The following MGAT5 variants were observed in gnomAD, a reference collection of about 807,000 sequenced individuals.
MGAT5 encodes alpha-1,6-mannosylglycoprotein 6-beta-N-acetylglucosaminyltransferase, also known as alpha-1,6-mannosylglycoprotein 6-beta-N-acetylglucosaminyltransferase A.
MGAT5 carries 30 observed loss-of-function variants against 94.3 expected under a neutral mutation model. That is an observed-to-expected ratio of 0.32 (90% CI 0.24 to 0.43). The LOEUF is 0.43. MGAT5 is among the 20% of genes least tolerant of loss of function. The pLI is 1.00. For missense variants in MGAT5, 691 were observed against 905.5 expected, an observed-to-expected ratio of 0.76 and a Z score of 3.04; for synonymous variants, 310 against 322.9, an observed-to-expected ratio of 0.96 and a Z score of 0.43.
At chr2:134,173,513 G>A (rs930674383) in intron 1 of MGAT5, among the ~76,000 whole-genome samples, 2 of 152,210 alleles carry the variant, frequency 1.3e-5, no homozygotes, top group Non-Finnish European at 2.9e-5. Flanking sequence ...TCTCAGCTCT[G>A]CACCATGTGG....
At chr2:134,187,080 T>G (rs1344017148) in intron 1 of MGAT5, among the ~76,000 whole-genome samples, 1 of 152,030 alleles carries the variant, frequency 6.6e-6, no homozygotes, top group Admixed American at 6.5e-5. Context: ...TTGACCTAGC[T>G]TGAGGGCCGT....
At chr2:134,408,354 T>G (rs192744534) in intron 11 of MGAT5, among the ~76,000 whole-genome samples, 5 of 152,346 alleles carry the variant, frequency 3.3e-5, no homozygotes, top group African/African-American at 9.6e-5. Flanking sequence ...ATGTGAATTG[T>G]AATGCATTTG....
At chr2:134,140,469 A>G (rs73005572) in intron 1 of MGAT5, among the ~76,000 whole-genome samples, 1 of 152,300 alleles carries the variant, frequency 6.6e-6, no homozygotes, top group African/African-American at 2.4e-5. Context: ...AAAGTGGGCG[A>G]GTTGGGTCAG....
upstream of MGAT5, among the ~76,000 whole-genome samples, chr2:134,251,540 A>G (rs1034338478): frequency 6.6e-6 from 1 of 152,316 alleles, no homozygotes; most frequent in South Asian, 2.1e-4. Flanking sequence ...AAAGGATGTC[A>G]TAGAGTCCCA....
intron 8 of MGAT5, 117 bp downstream of exon 8, chr2:134,345,181 G>T: frequency 2.9e-6 from 3 of 1,028,480 alleles, no homozygotes; most frequent in South Asian, 2.1e-5. Context: ...ATGGAGTGTT[G>T]CTCATTCGTA....
intron 15 of MGAT5, among the ~76,000 whole-genome samples, chr2:134,444,844 G>A (rs1308268261): frequency 6.6e-6 from 1 of 152,220 alleles, no homozygotes; most frequent in East Asian, 1.9e-4. Context: ...CAGGGTGCAA[G>A]GGCGCAGTTA....
At chr2:134,342,975 A>C (rs1688721816) in intron 7 of MGAT5, among the ~76,000 whole-genome samples, 1 of 152,238 alleles carries the variant, frequency 6.6e-6, no homozygotes, top group African/African-American at 2.4e-5. Flanking sequence ...CTGGGATTGC[A>C]GAAAACTGAG....
chr2:134,348,372 T>C (rs1689041952), intron 8 of MGAT5, among the ~76,000 whole-genome samples: 1 of 152,196 alleles, frequency 6.6e-6, no homozygotes, highest in Non-Finnish European at 1.5e-5. Context: ...ACAGGGAAAT[T>C]CCTCCTGTAG....
chr2:134,316,070 C>T (rs1202973431), intron 2 of MGAT5, among the ~76,000 whole-genome samples: 1 of 152,088 alleles, frequency 6.6e-6, no homozygotes, highest in African/African-American at 2.4e-5. Context: ...AAACTATCGG[C>T]AGTAGGTAAT....
chr2:134,203,795 A>G (rs1679908306), intron 1 of MGAT5, among the ~76,000 whole-genome samples: 1 of 152,224 alleles, frequency 6.6e-6, no homozygotes, highest in South Asian at 2.1e-4. Flanking sequence ...TGACTTTAAA[A>G]GAAAGAAAAT....
intron 1 of MGAT5, among the ~76,000 whole-genome samples, chr2:134,130,229 C>G (rs1170376520): frequency 6.9e-6 from 1 of 145,128 alleles, no homozygotes; most frequent in Non-Finnish European, 1.5e-5. Flanking sequence ...CCCACACCGC[C>G]CCACACCGCC....
At chr2:134,351,276 C>A (rs985705025) in intron 9 of MGAT5, among the ~76,000 whole-genome samples, 1 of 152,136 alleles carries the variant, frequency 6.6e-6, no homozygotes, top group Non-Finnish European at 1.5e-5. Flanking sequence ...GGTGAGGATG[C>A]TCAGAGTTTG....
At chr2:134,281,809 C>T (rs1025191782) in intron 2 of MGAT5, among the ~76,000 whole-genome samples, 1 of 152,184 alleles carries the variant, frequency 6.6e-6, no homozygotes, top group Admixed American at 6.5e-5. Context: ...AGAACCTTCT[C>T]GATAATTGCT....
intron 10 of MGAT5, among the ~76,000 whole-genome samples, chr2:134,377,016 T>C (rs767783670): frequency 2.0e-5 from 3 of 152,212 alleles, no homozygotes; most frequent in Admixed American, 6.5e-5. Flanking sequence ...TCTTCCTAGC[T>C]CACATTGTTG....
At chr2:134,317,392 G>T (rs1687053922) in intron 2 of MGAT5, 137 bp from the exon 3 acceptor site, 1 of 508,436 alleles carries the variant, frequency 2.0e-6, no homozygotes, top group South Asian at 2.9e-5. Flanking sequence ...AGCTGGAGGG[G>T]CTCCATGTAT....
intron 1 of MGAT5, among the ~76,000 whole-genome samples, chr2:134,133,325 A>G (rs1686262827): frequency 6.6e-6 from 1 of 152,152 alleles, no homozygotes. Context: ...CAATACCTTC[A>G]TTTTTCCAAG....
chr2:134,257,468 C>T (rs1268308820), intron 1 of MGAT5, among the ~76,000 whole-genome samples: 1 of 152,084 alleles, frequency 6.6e-6, no homozygotes, highest in Admixed American at 6.6e-5. Context: ...ATGATCTGCC[C>T]GCCTCAGCCT....
intron 1 of MGAT5, among the ~76,000 whole-genome samples, chr2:134,169,200 A>G (rs1688084293): frequency 6.6e-6 from 1 of 152,154 alleles, no homozygotes; most frequent in African/African-American, 2.4e-5. Flanking sequence ...GGCATTTATA[A>G]CTTTCATCCA....
intron 4 of MGAT5, among the ~76,000 whole-genome samples, chr2:134,319,416 ATCTCCTGGGT>A (rs1687190959): frequency 6.6e-6 from 1 of 152,144 alleles, no homozygotes; most frequent in African/African-American, 2.4e-5. Context: ...ATATCAGGAA[ATCTCCTGGGT>A]TTGTCAAGAA....
Sources: gnomAD v4.1 joint callset for allele counts (sites outside exome capture counted in the v4.1 genomes callset) on GRCh38, gnomAD v4.1.1 for gene constraint, MANE v1.5 for transcripts, NCBI Gene and HGNC (gene_info 2026-07-23, HGNC 2026-07-21) for gene names.